The following PCDHA11 variants were observed in gnomAD, a reference collection of about 807,000 sequenced individuals.
PCDHA11 encodes protocadherin alpha 11.
In PCDHA11, 61 loss-of-function variants were observed where a neutral mutation model predicts 70.3. That is an observed-to-expected ratio of 0.87 (90% confidence interval 0.71 to 1.07). The LOEUF (loss-of-function observed/expected upper bound fraction) is 1.07. Ranked by LOEUF, PCDHA11 falls within the 50% of genes least tolerant of loss-of-function variation. The pLI, the probability that PCDHA11 is intolerant of heterozygous loss-of-function variation, is 0.00. For missense variants in PCDHA11, 1,324 were observed against 1,237.5 expected (o/e 1.07, Z -1.05); for synonymous variants, 633 against 555.1 (o/e 1.14, Z -1.97).
At chr5:140,876,742 G>C (rs1554168860) in intron 1 of PCDHA11, 3 of 1,614,274 alleles carry the variant, frequency 1.9e-6, no homozygotes, top group Admixed American at 3.3e-5. Context: ...CTATGAGCTG[G>C]TGGTGACTGC....
intron 1 of PCDHA11, among the ~76,000 whole-genome samples, chr5:140,912,282 C>A (rs1211433751): frequency 6.6e-6 from 1 of 151,982 alleles, no homozygotes; most frequent in African/African-American, 2.4e-5. Flanking sequence ...TACCCAGGAA[C>A]AATACTTTGC....
At chr5:140,962,494 A>T (rs1016662619) in intron 1 of PCDHA11, among the ~76,000 whole-genome samples, 4 of 152,130 alleles carry the variant, frequency 2.6e-5, no homozygotes, top group Admixed American at 2.6e-4. Context: ...CAATTTTCAG[A>T]CACCTCAGCC....
At chr5:140,911,909 C>G (rs113000456) in intron 1 of PCDHA11, among the ~76,000 whole-genome samples, 17,713 of 152,106 alleles carry the variant, frequency 0.12, 1,155 homozygotes, top group Middle Eastern at 0.19. Flanking sequence ...TCAGAGCTCT[C>G]TAGAGGACAG....
intron 1 of PCDHA11, among the ~76,000 whole-genome samples, chr5:140,943,180 C>T (rs2093431387): frequency 6.7e-6 from 1 of 149,602 alleles, no homozygotes; most frequent in South Asian, 2.1e-4. Context: ...ATCGCTTGAA[C>T]CCTGGAGGTG....
rs2098416892 is a variant in PCDHA11, at chr5:141,010,305, G to A, written c.*368G>A. ...TGACACTTGCAGGGCAGGCTGAAAA[G>A]TTTTGAGATTGAGCAGCTTGGGAGT... is the stretch of plus-strand genomic sequence containing the variant. On this transcript the variant is annotated 3_prime_UTR_variant, in exon 4 of 4. Coordinates refer to ENST00000398640, the MANE Select transcript of PCDHA11 (RefSeq NM_018902.5). 1 of 1,548,478 alleles carries A rather than the reference G, an allele frequency of 6.5e-7. No individual in the cohort carries two copies. The highest frequency in any genetic ancestry group is 2.4e-5 in the East Asian group (1 of 40,890).
At chr5:140,910,935 C>T (rs192394348) in intron 1 of PCDHA11, among the ~76,000 whole-genome samples, 4 of 152,192 alleles carry the variant, frequency 2.6e-5, no homozygotes, top group African/African-American at 9.6e-5. Context: ...TAAGAAAGCT[C>T]AAGCAGTTCT....
intron 1 of PCDHA11, among the ~76,000 whole-genome samples, chr5:140,908,968 C>T (rs1201886997): frequency 6.6e-6 from 1 of 152,092 alleles, no homozygotes; most frequent in African/African-American, 2.4e-5. Flanking sequence ...TCTTGATAGG[C>T]CCCACTCCAC....
chr5:140,885,287 G>T (rs1224083539), intron 1 of PCDHA11, among the ~76,000 whole-genome samples: 1 of 152,050 alleles, frequency 6.6e-6, no homozygotes, highest in African/African-American at 2.4e-5. Context: ...TACATATATA[G>T]AGAGAGACCT....
intron 3 of PCDHA11, among the ~76,000 whole-genome samples, chr5:141,004,046 C>A (rs79317939): frequency 0.03 from 4,581 of 152,294 alleles, 86 homozygotes; most frequent in Non-Finnish European, 0.047. Flanking sequence ...TGATCATTTG[C>A]TGATACTGGC....
intron 1 of PCDHA11, among the ~76,000 whole-genome samples, chr5:140,901,492 C>T (rs548353886): frequency 1.3e-5 from 2 of 152,234 alleles, no homozygotes; most frequent in South Asian, 2.1e-4. Flanking sequence ...GCACCTTCAT[C>T]GAAAATGAGT....
intron 1 of PCDHA11, among the ~76,000 whole-genome samples, chr5:140,937,679 G>A (rs1357548421): frequency 5.9e-5 from 9 of 151,884 alleles, no homozygotes; most frequent in African/African-American, 1.9e-4. Context: ...TTGGGAGGCT[G>A]AGGCAGGCGG....
At position 141,011,612 on chromosome 5, in the gene PCDHA11, G is replaced by A. The variant is rs1031311936; in HGVS notation, c.*1675G>A. 11 of 153,524 alleles carry A rather than the reference G, an allele frequency of 7.2e-5. No individual in the cohort carries two copies. The highest frequency in any genetic ancestry group is 1.6e-4 in the Non-Finnish European group (11 of 67,990). 9.5% of individuals were successfully genotyped at this position (153,524 alleles called of 1,614,324 possible). A position where few individuals can be genotyped will look rare whatever the true frequency, so the allele number is the denominator to read the frequency against. On this transcript the variant is annotated 3_prime_UTR_variant, in exon 4 of 4. Coordinates refer to ENST00000398640, the MANE Select transcript of PCDHA11 (RefSeq NM_018902.5). ...TGGTGATTCAAGGAATTTTATTTAT[G>A]GTCCAGCCAAGAGCCATCTCGTGCC...
chr5:140,928,525 G>A (rs200642808), intron 1 of PCDHA11: 1 of 1,614,182 alleles, frequency 6.2e-7, no homozygotes, highest in East Asian at 2.2e-5. Context: ...AAACTTGTTT[G>A]TGGTAGATAG....
intron 1 of PCDHA11, among the ~76,000 whole-genome samples, chr5:140,932,340 C>G (rs1339952181): frequency 6.6e-6 from 1 of 151,864 alleles, no homozygotes; most frequent in Non-Finnish European, 1.5e-5. Flanking sequence ...GCATGAAACA[C>G]TTACCATACA....
intron 1 of PCDHA11, among the ~76,000 whole-genome samples, chr5:140,890,189 G>C (rs1262049301): frequency 1.3e-5 from 2 of 152,102 alleles, no homozygotes; most frequent in Non-Finnish European, 2.9e-5. Context: ...CTACAAAACA[G>C]AGTTTTTTGT....
rs2050848393 is a variant in PCDHA11, at chr5:140,869,096, C to G, written c.-8C>G. On this transcript the variant is annotated 5_prime_UTR_variant, in exon 1 of 4. Coordinates refer to ENST00000398640, the MANE Select transcript of PCDHA11 (RefSeq NM_018902.5). ...AGAAGCTTATTTTGGAAGCCAATTT[C>G]GTATGCGATGTTTGGTTTTCAGAGA... 2 of 1,594,364 alleles carry G rather than the reference C, an allele frequency of 1.3e-6. No individual in the cohort carries two copies. Among genetic ancestry groups the G allele is most frequent in the African/African-American group, 2.7e-5 (2 of 74,162 alleles).
chr5:140,967,084 T>G (rs782593106), intron 1 of PCDHA11: 1 of 1,613,270 alleles, frequency 6.2e-7, no homozygotes, highest in Admixed American at 1.7e-5. Context: ...AGCGCATTGA[T>G]CGGGAGGCGC....
intron 1 of PCDHA11, among the ~76,000 whole-genome samples, chr5:140,955,418 G>A: frequency 6.6e-6 from 1 of 152,140 alleles, no homozygotes; most frequent in Non-Finnish European, 1.5e-5. Flanking sequence ...ATGATAGTGA[G>A]TGAGTTCTCA....
chr5:140,905,880 A>C (rs1485985374), intron 1 of PCDHA11, among the ~76,000 whole-genome samples: 1 of 152,172 alleles, frequency 6.6e-6, no homozygotes, highest in Non-Finnish European at 1.5e-5. Context: ...AGGCCCAACA[A>C]TAGGCCATCT....
Sources: allele counts gnomAD v4.1 joint callset (sites outside exome capture counted in the v4.1 genomes callset), GRCh38; gene constraint gnomAD v4.1.1; transcripts MANE v1.5; gene names NCBI Gene and HGNC (gene_info 2026-07-23, HGNC 2026-07-21).